LINGO2: variants seen among roughly 807,000 people sequenced by gnomAD.
LINGO2 encodes leucine rich repeat and Ig domain containing 2, also known as leucine-rich repeat and immunoglobulin-like domain-containing nogo receptor-interacting protein 2.
In LINGO2, 14 loss-of-function variants were observed where a neutral mutation model predicts 30.6. That is an observed-to-expected ratio of 0.46 (90% CI 0.30 to 0.72). The LOEUF (loss-of-function observed/expected upper bound fraction) is 0.72, where lower values mean the gene tolerates loss of function less well. Ranked by LOEUF, LINGO2 falls within the 30% of genes least tolerant of loss-of-function variation. The pLI, the probability that LINGO2 is intolerant of heterozygous loss-of-function variation, is 0.07. For missense variants in LINGO2, 729 were observed against 751.7 expected (o/e 0.97, Z 0.35); for synonymous variants, 317 against 288.5 (o/e 1.10, Z -1.00).
At chr9:29,143,309 G>T in the LINGO2 span, among the ~76,000 whole-genome samples, 1 of 151,698 alleles carries the variant, frequency 6.6e-6, no homozygotes. Context: ...TGCAAAAATG[G>T]AAAAAAATTC....
chr9:28,571,341 C>G (rs530453153), intron 1 of LINGO2, among the ~76,000 whole-genome samples: 17 of 152,132 alleles, frequency 1.1e-4, no homozygotes, highest in Middle Eastern at 3.4e-3. Flanking sequence ...AGTTTAGTAA[C>G]ATATACATGT....
the LINGO2 span, among the ~76,000 whole-genome samples, chr9:29,174,554 T>C: frequency 6.6e-6 from 1 of 152,236 alleles, no homozygotes; most frequent in Non-Finnish European, 1.5e-5. Flanking sequence ...AACTAAGCTT[T>C]TGAAAATACA....
At chr9:28,919,882 G>T in the LINGO2 span, among the ~76,000 whole-genome samples, 1 of 151,978 alleles carries the variant, frequency 6.6e-6, no homozygotes, top group African/African-American at 2.4e-5. Context: ...TTTTACATTG[G>T]TATAATCACG....
At chr9:28,900,618 T>A in the LINGO2 span, among the ~76,000 whole-genome samples, 1 of 152,184 alleles carries the variant, frequency 6.6e-6, no homozygotes, top group Non-Finnish European at 1.5e-5. Flanking sequence ...CAGCAGCAAG[T>A]CCATCTATGA....
the LINGO2 span, among the ~76,000 whole-genome samples, chr9:28,685,775 C>T: frequency 2.0e-5 from 3 of 152,104 alleles, no homozygotes; most frequent in Non-Finnish European, 4.4e-5. Context: ...AATTCATCCA[C>T]ATATTTATTT....
At chr9:29,167,992 G>A in the LINGO2 span, among the ~76,000 whole-genome samples, 3 of 152,116 alleles carry the variant, frequency 2.0e-5, no homozygotes, top group East Asian at 5.8e-4. Context: ...TTCTGGTAAT[G>A]ATGATTCATC....
chr9:28,097,722 T>C (rs1288565229), intron 4 of LINGO2, among the ~76,000 whole-genome samples: 1 of 146,852 alleles, frequency 6.8e-6, no homozygotes, highest in Non-Finnish European at 1.5e-5. Flanking sequence ...CATTAGGAGA[T>C]ATACCTAATG....
At chr9:28,671,911 T>C (rs1213020932), upstream of LINGO2, among the ~76,000 whole-genome samples, 1 of 152,110 alleles carries the variant, frequency 6.6e-6, no homozygotes, top group East Asian at 1.9e-4. Context: ...ATGCTTTAAG[T>C]GTTGGATTTA....
chr9:28,202,285 C>T (rs1490865270), intron 4 of LINGO2, among the ~76,000 whole-genome samples: 1 of 152,028 alleles, frequency 6.6e-6, no homozygotes, highest in Non-Finnish European at 1.5e-5. Context: ...ACAATTCAAC[C>T]CATAACCCTC....
At chr9:28,672,853 C>T (rs552722639), upstream of LINGO2, among the ~76,000 whole-genome samples, 1 of 152,152 alleles carries the variant, frequency 6.6e-6, no homozygotes, top group African/African-American at 2.4e-5. Flanking sequence ...TTTACAACCA[C>T]AAACCAGAAA....
intron 3 of LINGO2, among the ~76,000 whole-genome samples, chr9:28,327,169 A>ACACT (rs1256594853): frequency 1.3e-5 from 2 of 152,090 alleles, no homozygotes; most frequent in Admixed American, 1.3e-4. Flanking sequence ...CCCTCCCTAG[A>ACACT]CACTCATTCT....
chr9:27,940,962 T>C, the LINGO2 span: 1 of 152,122 alleles, frequency 6.6e-6, no homozygotes, highest in South Asian at 2.1e-4. Context: ...TGGCGAGATG[T>C]CTACCCAACA....
At chr9:29,157,604 A>G in the LINGO2 span, among the ~76,000 whole-genome samples, 3 of 152,148 alleles carry the variant, frequency 2.0e-5, no homozygotes, top group Non-Finnish European at 4.4e-5. Context: ...GACTAAAAAA[A>G]CTCTATTTTA....
chr9:28,675,169 C>G (rs1428785298), upstream of LINGO2, among the ~76,000 whole-genome samples: 1 of 152,126 alleles, frequency 6.6e-6, no homozygotes, highest in Admixed American at 6.6e-5. Flanking sequence ...TATCCCACTT[C>G]ACATATATAT....
At chr9:28,165,889 C>T (rs1828414081) in intron 4 of LINGO2, among the ~76,000 whole-genome samples, 1 of 152,054 alleles carries the variant, frequency 6.6e-6, no homozygotes, top group Non-Finnish European at 1.5e-5. Flanking sequence ...AGGATAGGAA[C>T]ACAAAGCAAA....
intron 4 of LINGO2, among the ~76,000 whole-genome samples, chr9:28,156,626 T>C (rs1384277312): frequency 6.6e-6 from 1 of 152,312 alleles, no homozygotes; most frequent in East Asian, 1.9e-4. Context: ...AACTCAAAAG[T>C]CCACAGTCAA....
intron 5 of LINGO2, among the ~76,000 whole-genome samples, chr9:27,977,490 C>G (rs1215690383): frequency 6.6e-6 from 1 of 151,920 alleles, no homozygotes; most frequent in South Asian, 2.1e-4. Flanking sequence ...CGACGACTCC[C>G]TGACTACAAG....
chr9:28,879,553 T>G, the LINGO2 span, among the ~76,000 whole-genome samples: 4 of 152,214 alleles, frequency 2.6e-5, no homozygotes, highest in African/African-American at 9.6e-5. Context: ...TTTGTGCCTT[T>G]TTTTCCAGTC....
At chr9:28,618,014 AG>A (rs1416254310) in intron 1 of LINGO2, among the ~76,000 whole-genome samples, 1 of 152,190 alleles carries the variant, frequency 6.6e-6, no homozygotes, top group Non-Finnish European at 1.5e-5. Flanking sequence ...ATGACCATTG[AG>A]TTAATGAAGT....
Sources: gnomAD v4.1 joint callset for allele counts (sites outside exome capture counted in the v4.1 genomes callset) on GRCh38, gnomAD v4.1.1 for gene constraint, MANE v1.5 for transcripts, NCBI Gene and HGNC (gene_info 2026-07-23, HGNC 2026-07-21) for gene names.